The following MUSK variants were observed in gnomAD, a reference collection of about 807,000 sequenced individuals.
MUSK encodes muscle associated receptor tyrosine kinase, also known as muscle, skeletal receptor tyrosine-protein kinase.
A neutral mutation model predicts 88.7 loss-of-function variants in MUSK; 55 were observed. That is an observed-to-expected ratio of 0.62 (90% CI 0.50 to 0.78). MUSK has a LOEUF of 0.78. Ranked by LOEUF, MUSK falls within the 30% of genes least tolerant of loss-of-function variation. MUSK has a pLI of 0.00. For synonymous variants in MUSK, 387 were observed against 391.9 expected (o/e 0.99, Z 0.15); for missense variants, 1,015 against 1,074.3 (o/e 0.94, Z 0.77).
chr9:110,692,552 C>T (rs931593614), intron 3 of MUSK, among the ~76,000 whole-genome samples: 2 of 151,764 alleles, frequency 1.3e-5, no homozygotes, highest in Non-Finnish European at 2.9e-5. Context: ...TTTTCTTTCT[C>T]TATGACTTCA....
intron 2 of MUSK, among the ~76,000 whole-genome samples, chr9:110,684,340 T>C (rs975692805): frequency 2.0e-5 from 3 of 152,070 alleles, no homozygotes; most frequent in Non-Finnish European, 4.4e-5. Context: ...TTCCCATTGG[T>C]CTATGTGTCT....
rs528980620 is a variant in MUSK, at chr9:110,804,952, A to G, written c.*3964A>G. ...AACAAAAATAAGATCATACTGCTAC[A>G]TTACTTCAAGCCTTGCTTTTATCAC... On this transcript the variant is annotated 3_prime_UTR_variant, in exon 15 of 15. Coordinates refer to ENST00000374448, the MANE Select transcript of MUSK (RefSeq NM_005592.4). Among the ~76,000 whole-genome samples the G allele has an allele frequency of 1.3e-4, 20 of 152,084 alleles. 1 individual carries two copies. The highest frequency in any genetic ancestry group is 1.2e-3 in the Admixed American group (18 of 15,300).
In MUSK at chr9:110,785,508, T is replaced by G. The variant is rs1219947506; in HGVS notation, c.1587-19T>G. ...CCTGCTTCTGAGCTCATTCCTGATC[T>G]TGCCTGTCTTGCCTGCAGAGAATCA... On this transcript the variant is annotated intron_variant, in intron 12 of 14. Transcript: ENST00000374448. The G allele has an allele frequency of 6.4e-7, 1 of 1,570,972 alleles. No homozygotes were observed. Among genetic ancestry groups the G allele is most frequent in the Admixed American group, 1.8e-5 (1 of 56,478 alleles).
Position 110,697,313 on chromosome 9 carries a change from T to C in MUSK, c.487-12T>C. On this transcript the variant is annotated splice_polypyrimidine_tract_variant and intron_variant, in intron 4 of 14. Coordinates refer to ENST00000374448, the MANE Select transcript of MUSK (RefSeq NM_005592.4). ...ATAAACATTTTTGAATTCACGTCCC[T>C]ATCTCTGGCAGGAAAATTCCCGAAT... 1 of 1,612,628 alleles carries C rather than the reference T, an allele frequency of 6.2e-7. No homozygotes were observed. The highest frequency in any genetic ancestry group is 8.5e-7 in the Non-Finnish European group (1 of 1,179,062).
chr9:110,697,815 T>C (rs1020287293), intron 5 of MUSK, among the ~76,000 whole-genome samples: 2 of 152,090 alleles, frequency 1.3e-5, no homozygotes, highest in Non-Finnish European at 2.9e-5. Context: ...GGCATAATAA[T>C]TTTAATCTTT....
chr9:110,676,858 A>T (rs2076037794), intron 1 of MUSK, among the ~76,000 whole-genome samples: 1 of 152,160 alleles, frequency 6.6e-6, no homozygotes, highest in Non-Finnish European at 1.5e-5. Context: ...TGCAGTGAAC[A>T]TAGGTGTGCA....
At chr9:110,698,468 T>C (rs947056112) in intron 5 of MUSK, among the ~76,000 whole-genome samples, 1 of 152,226 alleles carries the variant, frequency 6.6e-6, no homozygotes, top group Non-Finnish European at 1.5e-5. Context: ...TATTTTACTT[T>C]GATTCTGTCC....
intron 7 of MUSK, among the ~76,000 whole-genome samples, chr9:110,759,990 C>G (rs1009455472): frequency 6.6e-6 from 1 of 152,092 alleles, no homozygotes; most frequent in Non-Finnish European, 1.5e-5. Context: ...GAGCCAAGAT[C>G]ACACCACTGC....
chr9:110,732,375 A>G lies in MUSK; in HGVS notation c.629-1876A>G, dbSNP rs1418348989. ...AAACATTAGAAGAGTACCTGGACGC[A>G]CCCTCACTACGATGCCTGTCAGTGT... On this transcript the variant is annotated intron_variant, in intron 5 of 14. Coordinates refer to ENST00000374448, the MANE Select transcript of MUSK (RefSeq NM_005592.4). Among the ~76,000 whole-genome samples the G allele has an allele frequency of 2.6e-5, 4 of 152,088 alleles. No homozygotes were observed. In the East Asian group the frequency reaches 7.8e-4, roughly 30 times the overall value.
At chr9:110,696,642 G>A (rs962231346) in intron 4 of MUSK, among the ~76,000 whole-genome samples, 1 of 151,856 alleles carries the variant, frequency 6.6e-6, no homozygotes, top group Admixed American at 6.6e-5. Flanking sequence ...CTGAATTTAG[G>A]GTTCAAAACA....
chr9:110,800,951 G>T lies in MUSK; in HGVS notation c.2573G>T (p.Arg858Leu). 2 of 1,523,288 alleles carry T rather than the reference G, an allele frequency of 1.3e-6. No individual in the cohort carries two copies. Among genetic ancestry groups the T allele is most frequent in the East Asian group, 2.3e-5 (1 of 44,148 alleles). The allele number at this position is 1,523,288 out of a possible 1,614,324, so 94.4% of individuals were successfully genotyped here. A position where few individuals can be genotyped will look rare whatever the true frequency, so the allele number is the denominator to read the frequency against. Residue 858 changes from arginine to leucine, a missense_variant, in exon 15 of 15, where the codon CGC (arginine) becomes CTC (leucine). Arg to Leu is a moderately radical substitution (Grantham distance 102, BLOSUM62 -2). Transcript: ENST00000374448. ...SFTSIHRILE[R>L]MCERAEGTVS... ...ACCAGTATTCACCGAATTCTGGAAC[G>T]CATGTGTGAGAGGGCAGAGGGAACT...
intron 5 of MUSK, among the ~76,000 whole-genome samples, chr9:110,718,437 C>T (rs2076771886): frequency 6.6e-6 from 1 of 151,830 alleles, no homozygotes; most frequent in African/African-American, 2.4e-5. Flanking sequence ...ATGCAAAATG[C>T]ACCAGAAAGT....
intron 4 of MUSK, among the ~76,000 whole-genome samples, 172 bp from the exon 5 acceptor site, chr9:110,697,153 T>C (rs2076441252): frequency 6.6e-6 from 1 of 151,456 alleles, no homozygotes; most frequent in Non-Finnish European, 1.5e-5. Context: ...ATTTAGGTAC[T>C]CTTGCACTAT....
intron 6 of MUSK, among the ~76,000 whole-genome samples, chr9:110,746,492 C>A (rs889501570): frequency 6.6e-6 from 1 of 152,192 alleles, no homozygotes; most frequent in Non-Finnish European, 1.5e-5. Flanking sequence ...GTGTCAGACA[C>A]GCTAGGATGC....
At chr9:110,679,887 T>C (rs1162795275) in intron 1 of MUSK, among the ~76,000 whole-genome samples, 1 of 152,134 alleles carries the variant, frequency 6.6e-6, no homozygotes, top group Non-Finnish European at 1.5e-5. Context: ...AACTTTGATC[T>C]TATAGTTGTT....
At chr9:110,730,746 T>C (rs1057132891) in intron 5 of MUSK, among the ~76,000 whole-genome samples, 7 of 152,090 alleles carry the variant, frequency 4.6e-5, no homozygotes, top group African/African-American at 1.7e-4. Context: ...TGAAAAATGG[T>C]AAATTTGAGT....
At chr9:110,770,945 T>C (rs2077563991) in intron 9 of MUSK, among the ~76,000 whole-genome samples, 1 of 152,022 alleles carries the variant, frequency 6.6e-6, no homozygotes, top group African/African-American at 2.4e-5. Flanking sequence ...AGTTGAACTA[T>C]GTAATTTTTT....
At chr9:110,689,011 CAT>C (rs967405424) in intron 3 of MUSK, among the ~76,000 whole-genome samples, 147 of 140,016 alleles carry the variant, frequency 1.0e-3, no homozygotes, top group African/African-American at 3.8e-3. Context: ...TATATAAAAA[CAT>C]ATTTAAATAT....
At chr9:110,702,858 A>C (rs1209066563) in intron 5 of MUSK, among the ~76,000 whole-genome samples, 1 of 152,190 alleles carries the variant, frequency 6.6e-6, no homozygotes, top group Non-Finnish European at 1.5e-5. Flanking sequence ...GTGCCACTGC[A>C]CTTCAGCCTG....
Sources: gnomAD v4.1 joint callset for allele counts (sites outside exome capture counted in the v4.1 genomes callset) on GRCh38, gnomAD v4.1.1 for gene constraint, MANE v1.5 for transcripts, NCBI Gene and HGNC (gene_info 2026-07-23, HGNC 2026-07-21) for gene names.